The following WWP1 variants were observed in gnomAD, a reference collection of about 807,000 sequenced individuals.
WWP1 encodes NEDD4-like E3 ubiquitin-protein ligase WWP1.
In WWP1, 49 loss-of-function variants were observed where a neutral mutation model predicts 130.6. That is an observed-to-expected ratio of 0.38 (90% CI 0.30 to 0.48). The LOEUF (loss-of-function observed/expected upper bound fraction) is 0.48, where lower values mean the gene tolerates loss of function less well. WWP1 is among the 20% of genes least tolerant of loss of function. WWP1 has a pLI of 0.99. For missense variants in WWP1, 809 were observed against 1,100.6 expected (o/e 0.74, Z 3.75); for synonymous variants, 332 against 367.8 (o/e 0.90, Z 1.11).
intron 9 of WWP1, among the ~76,000 whole-genome samples, chr8:86,417,916 C>T (rs900668666): frequency 6.6e-6 from 1 of 152,028 alleles, no homozygotes; most frequent in Non-Finnish European, 1.5e-5. Flanking sequence ...TTGTGTAAAG[C>T]TTGTATTTCA....
chr8:86,444,476 G>A (rs1810756348), intron 18 of WWP1, among the ~76,000 whole-genome samples: 1 of 152,182 alleles, frequency 6.6e-6, no homozygotes, highest in Non-Finnish European at 1.5e-5. Context: ...TGTTTATAGA[G>A]TGAGTATGGA....
In WWP1 at chr8:86,402,020, T is replaced by C. The variant is rs1339113255; in HGVS notation, c.541T>C (p.Leu181=). 1 of 1,555,708 alleles carries C rather than the reference T, an allele frequency of 6.4e-7. No homozygotes were observed. Among genetic ancestry groups the C allele is most frequent in the Non-Finnish European group, 8.7e-7 (1 of 1,149,110 alleles). Residue 181 remains leucine, a splice_region_variant and synonymous_variant, in exon 8 of 25, where the codon TTG becomes CTG. Coordinates refer to ENST00000517970, the MANE Select transcript of WWP1 (RefSeq NM_007013.4). ...GEPSARTTAR[L]AVEGTNGIDN... is the part of the protein sequence containing the mutation. ...GAAATAAGGCATTTTTTTTTCAAGG[T>C]TGGCTGTTGAAGGCACGAATGGAAT...
At chr8:86,453,012 A>G (rs1811255643) in intron 21 of WWP1, among the ~76,000 whole-genome samples, 1 of 152,186 alleles carries the variant, frequency 6.6e-6, no homozygotes, top group Non-Finnish European at 1.5e-5. Context: ...ATGAGTTCTT[A>G]GTGGTCTTAA....
At chr8:86,356,335 A>C (rs1046753582) in intron 1 of WWP1, among the ~76,000 whole-genome samples, 1 of 151,968 alleles carries the variant, frequency 6.6e-6, no homozygotes, top group African/African-American at 2.4e-5. Flanking sequence ...ATGTTCTTAG[A>C]ATCATATTTT....
intron 1 of WWP1, among the ~76,000 whole-genome samples, chr8:86,345,738 C>A (rs372242659): frequency 6.6e-5 from 10 of 152,034 alleles, no homozygotes; most frequent in South Asian, 4.1e-4. Context: ...AACAGTAGAA[C>A]CTTCAGGTTC....
chr8:86,387,212 C>G lies in WWP1; in HGVS notation c.334+5583C>G, dbSNP rs542987520. ...GTTGCCATATATATATTAAATGACC[C>G]TTATTTTCACATTCTTCCATTAGCA... On this transcript the variant is annotated intron_variant, in intron 5 of 24. Coordinates refer to ENST00000517970, the MANE Select transcript of WWP1 (RefSeq NM_007013.4). Among the ~76,000 whole-genome samples, 468 of 152,192 alleles carry G rather than the reference C, an allele frequency of 3.1e-3. 2 individuals carry two copies. Among genetic ancestry groups the G allele is most frequent in the African/African-American group, 0.011 (446 of 41,532 alleles).
At chr8:86,462,077 C>T (rs970669992) in intron 24 of WWP1, among the ~76,000 whole-genome samples, 2 of 152,128 alleles carry the variant, frequency 1.3e-5, no homozygotes, top group African/African-American at 2.4e-5. Context: ...AGTGTACCCA[C>T]TAGGTATAAA....
chr8:86,435,604 T>C (rs369372595), intron 15 of WWP1, 29 bp from the exon 16 acceptor site: 20 of 1,611,730 alleles, frequency 1.2e-5, no homozygotes, highest in Non-Finnish European at 1.6e-5. Flanking sequence ...ATAACTCAGA[T>C]GATATTATGA....
intron 23 of WWP1, 77 bp from the exon 24 acceptor site, chr8:86,461,697 G>C (rs1037208641): frequency 3.6e-6 from 4 of 1,115,110 alleles, no homozygotes; most frequent in Non-Finnish European, 5.4e-6. Context: ...TGTGCAACAT[G>C]TTCTATTATT....
chr8:86,461,616 G>A, intron 23 of WWP1, 158 bp from the exon 24 acceptor site: 1 of 665,090 alleles, frequency 1.5e-6, no homozygotes, highest in African/African-American at 1.8e-5. Flanking sequence ...CTGGATCTCT[G>A]CAACAATTTT....
intron 21 of WWP1, among the ~76,000 whole-genome samples, chr8:86,454,912 A>C (rs898340893): frequency 6.6e-6 from 1 of 152,092 alleles, no homozygotes; most frequent in Non-Finnish European, 1.5e-5. Context: ...TAATCAATTA[A>C]GAGTGCAGAG....
chr8:86,426,605 T>C (rs1809638424), intron 10 of WWP1, among the ~76,000 whole-genome samples: 1 of 152,190 alleles, frequency 6.6e-6, no homozygotes, highest in African/African-American at 2.4e-5. Context: ...GACTCTCACA[T>C]GAGGCCCTTG....
intron 1 of WWP1, among the ~76,000 whole-genome samples, chr8:86,349,919 G>A (rs1426407133): frequency 6.6e-6 from 1 of 151,946 alleles, no homozygotes; most frequent in East Asian, 1.9e-4. Context: ...CCTTGTGATT[G>A]GATTTGAGAC....
chr8:86,412,100 C>A (rs1808618934), intron 9 of WWP1, among the ~76,000 whole-genome samples: 1 of 152,092 alleles, frequency 6.6e-6, no homozygotes, highest in South Asian at 2.1e-4. Context: ...AAAGAAAAAA[C>A]CTGATGTTAA....
In WWP1 at chr8:86,466,955, CAGAT is replaced by C. The variant is rs1055459488; in HGVS notation, c.*65_*68del. 3.2e-6 allele frequency: 4 copies of C among 1,248,306 alleles called. No individual in the cohort carries two copies. In the African/African-American group the frequency reaches 4.5e-5, roughly 14 times the overall value. 77.3% of individuals were successfully genotyped at this position (1,248,306 alleles called of 1,614,324 possible). A position where few individuals can be genotyped will look rare whatever the true frequency, so the allele number is the denominator to read the frequency against. ...AATACCCCAGCCAAGAAAAATTGCA[CAGAT>C]AGTGTATATAAGCTGTTCATTCTGT... is the stretch of plus-strand genomic sequence containing the variant. On this transcript the variant is annotated 3_prime_UTR_variant, in exon 25 of 25. Transcript: ENST00000517970.
At chr8:86,429,550 A>G (rs1475717579) in intron 11 of WWP1, among the ~76,000 whole-genome samples, 1 of 152,194 alleles carries the variant, frequency 6.6e-6, no homozygotes, top group Non-Finnish European at 1.5e-5. Context: ...TTTCTAGGTT[A>G]TAAGAATGGA....
chr8:86,382,158 T>C (rs536962451), intron 5 of WWP1, among the ~76,000 whole-genome samples: 2 of 152,318 alleles, frequency 1.3e-5, no homozygotes, highest in Non-Finnish European at 2.9e-5. Context: ...CACAAACATA[T>C]TTCTTTTTTG....
chr8:86,376,001 C>G (rs1202194611), intron 3 of WWP1, among the ~76,000 whole-genome samples: 3 of 152,186 alleles, frequency 2.0e-5, no homozygotes, highest in Non-Finnish European at 2.9e-5. Flanking sequence ...TAGCATTTCT[C>G]TCACTGTAAG....
chr8:86,456,635 C>T (rs1439232244), intron 21 of WWP1, among the ~76,000 whole-genome samples: 2 of 151,882 alleles, frequency 1.3e-5, no homozygotes, highest in Non-Finnish European at 2.9e-5. Context: ...TATATCCACA[C>T]AAAGACTCAT....
Sources: allele counts gnomAD v4.1 joint callset (sites outside exome capture counted in the v4.1 genomes callset), GRCh38; gene constraint gnomAD v4.1.1; transcripts MANE v1.5; gene names NCBI Gene and HGNC (gene_info 2026-07-23, HGNC 2026-07-21).